The following SSB variants were observed in gnomAD, a reference collection of about 807,000 sequenced individuals.
SSB encodes small RNA binding exonuclease protection factor La.
In SSB, 17 loss-of-function variants were observed where a neutral mutation model predicts 52.9. The observed-to-expected ratio is 0.32, with a 90% confidence interval of 0.22 to 0.48. The LOEUF (loss-of-function observed/expected upper bound fraction) is 0.48. Ranked by LOEUF, SSB falls within the 20% of genes least tolerant of loss-of-function variation. The pLI is 0.99. For missense variants in SSB, 314 were observed against 463.6 expected, an observed-to-expected ratio of 0.68 and a Z score of 2.96; for synonymous variants, 111 against 152.1, an observed-to-expected ratio of 0.73 and a Z score of 1.99.
In SSB at chr2:169,810,694, C is replaced by T; in HGVS notation, c.811-164C>T. 5.7e-6 allele frequency: 4 copies of T among 701,216 alleles called. No homozygotes were observed. The South Asian group carries it at 8.4e-5, about 15-fold the overall frequency. The allele number at this position is 701,216 out of a possible 1,614,324, so 43.4% of individuals were successfully genotyped here. On this transcript the variant is annotated intron_variant, in intron 9 of 11. Transcript: ENST00000260956. ...GAATAACTGTTCATACTGATGATTG[C>T]AGTTTTACTTCTGTAGCATTCCTTT...
chr2:169,810,103 T>C, intron 8 of SSB, 180 bp from the exon 9 acceptor site: 1 of 326,854 alleles, frequency 3.1e-6, no homozygotes, highest in Non-Finnish European at 5.5e-6. Context: ...TTTATTTATT[T>C]ATTATTATTA....
Position 169,810,443 on chromosome 2 carries a change from CT to C in SSB, c.810+25del. On this transcript the variant is annotated intron_variant, in intron 9 of 11. Transcript: ENST00000260956. ...AAAGAGGTTTGGATACATCCCTATCCTTTTTAGCAATCAGTTTGAAAATCTG... is the reference window on the plus strand; with the variant it reads ...AAAGAGGTTTGGATACATCCCTATCCTTTTAGCAATCAGTTTGAAAATCTG... The C allele has an allele frequency of 6.4e-7, 1 of 1,570,362 alleles. No individual in the cohort carries two copies. The highest frequency in any genetic ancestry group is 8.6e-7 in the Non-Finnish European group (1 of 1,165,216).
chr2:169,801,564 G>T (rs1278883650), intron 2 of SSB, among the ~76,000 whole-genome samples: 1 of 139,148 alleles, frequency 7.2e-6, no homozygotes, highest in East Asian at 2.1e-4. Flanking sequence ...GGCCACGCTG[G>T]AGTGCAGTGG....
chr2:169,810,801 A>G (rs1363042216), intron 9 of SSB, 57 bp from the exon 10 acceptor site: 1 of 1,522,352 alleles, frequency 6.6e-7, no homozygotes, highest in Non-Finnish European at 8.8e-7. Context: ...GGACAAAGAA[A>G]TTAATTGTGG....
chr2:169,802,183 C>G (rs896600881), intron 2 of SSB, among the ~76,000 whole-genome samples: 1 of 152,084 alleles, frequency 6.6e-6, no homozygotes. Flanking sequence ...GACACTGTTT[C>G]AGGGGGCGAG....
intron 1 of SSB, among the ~76,000 whole-genome samples, chr2:169,800,410 G>T (rs1467269893): frequency 6.6e-6 from 1 of 151,586 alleles, no homozygotes; most frequent in African/African-American, 2.4e-5. Flanking sequence ...GGTGGTGGGC[G>T]CCTGTAATCC....
At chr2:169,805,241 ATTC>A (rs1468022328) in intron 2 of SSB, among the ~76,000 whole-genome samples, 1 of 152,168 alleles carries the variant, frequency 6.6e-6, no homozygotes, top group Non-Finnish European at 1.5e-5. Flanking sequence ...CTTTAAATAT[ATTC>A]TTCTTTAAGG....
At chr2:169,804,142 T>C (rs1689771647) in intron 2 of SSB, among the ~76,000 whole-genome samples, 1 of 152,214 alleles carries the variant, frequency 6.6e-6, no homozygotes, top group Non-Finnish European at 1.5e-5. Context: ...TTACTTTTTA[T>C]GTTACTTCTG....
At position 169,800,610 on chromosome 2, in the gene SSB, A is replaced by AGTT. The variant is rs373664775; in HGVS notation, c.-9-341_-9-339dup. 9.6e-4 allele frequency among the ~76,000 whole-genome samples: 145 copies of AGTT among 151,562 alleles called. 1 individual carries two copies. In the South Asian group the frequency reaches 0.012, roughly 12 times the overall value. On this transcript the variant is annotated intron_variant, in intron 1 of 11. Transcript: ENST00000260956. ...GAGCCATGGTAATATACAGATAGATAGTTATCTGTTTAAAACTGGAAATGG... is the reference window on the plus strand; with the variant it reads ...GAGCCATGGTAATATACAGATAGATAGTTGTTATCTGTTTAAAACTGGAAATGG...
rs1034945803 is a variant in SSB at position 169,801,132 on chromosome 2, T to C, written c.66+106T>C. 4.2e-5 allele frequency: 38 copies of C among 902,828 alleles called. No homozygotes were observed. The Admixed American group carries it at 1.1e-3, about 27-fold the overall frequency. 55.9% of individuals were successfully genotyped at this position (902,828 alleles called of 1,614,324 possible). On this transcript the variant is annotated intron_variant, in intron 2 of 11. Coordinates refer to ENST00000260956, the MANE Select transcript of SSB (RefSeq NM_003142.5). ...ACATATTCAACATTTGGTTTGCCTT[T>C]GATTCTTAGATGAACATATAATAGC...
intron 11 of SSB, 96 bp downstream of exon 11, chr2:169,811,419 A>G: frequency 1.4e-6 from 2 of 1,397,502 alleles, no homozygotes; most frequent in South Asian, 1.5e-5. Flanking sequence ...TGGCTTTTCA[A>G]CTCCTGGATA....
At chr2:169,801,509 G>GTTTTTTTTTTT (rs79940369) in intron 2 of SSB, among the ~76,000 whole-genome samples, 1 of 73,666 alleles carries the variant, frequency 1.4e-5, no homozygotes, top group African/African-American at 5.2e-5. Context: ...CTTTAATATA[G>GTTTTTTTTTTT]TTTTTTTTTT....
At position 169,805,530 on chromosome 2, in the gene SSB, A is replaced by G. The variant is rs760016474; in HGVS notation, c.123A>G (p.Lys41=). The change falls in exon 3 of 12, where the codon AAA becomes AAG. Residue 41 remains lysine (K), a synonymous_variant. Coordinates refer to ENST00000260956, the MANE Select transcript of SSB (RefSeq NM_003142.5). ...ACAAGTTTCTAAAGGAACAGATAAA[A>G]CTGGATGAAGGCTGGGTACCTTTGG... The part of the protein sequence containing the change: ...PRDKFLKEQI[K]LDEGWVPLEI... 1 of 1,614,014 alleles carries G rather than the reference A, an allele frequency of 6.2e-7. No homozygotes were observed. Among genetic ancestry groups the G allele is most frequent in the Non-Finnish European group, 8.5e-7 (1 of 1,180,000 alleles).
intron 4 of SSB, 89 bp downstream of exon 4, chr2:169,805,928 C>A: frequency 1.7e-6 from 2 of 1,202,496 alleles, no homozygotes; most frequent in Non-Finnish European, 2.4e-6. Flanking sequence ...CACAGCCTCA[C>A]TAATTACTGT....
chr2:169,804,240 C>CTT (rs11447613), intron 2 of SSB, among the ~76,000 whole-genome samples: 6,885 of 95,128 alleles, frequency 0.072, 567 homozygotes, highest in African/African-American at 0.12. Context: ...TTTACTTTAA[C>CTT]TTTTTTTTTT....
At chr2:169,801,600 A>G (rs11899484) in intron 2 of SSB, among the ~76,000 whole-genome samples, 116,016 of 148,546 alleles carry the variant, frequency 0.78, 46,128 homozygotes, top group South Asian at 0.88. Flanking sequence ...CTACAACAGT[A>G]TTGGCTCACT....
intron 2 of SSB, among the ~76,000 whole-genome samples, chr2:169,804,945 A>C (rs1246298400): frequency 3.3e-5 from 5 of 152,118 alleles, no homozygotes; most frequent in Admixed American, 6.6e-5. Context: ...CAAGGCCAAC[A>C]TGGTAAAACC....
intron 9 of SSB, chr2:169,810,634 A>G (rs1182553926): frequency 1.1e-5 from 7 of 659,952 alleles, no homozygotes; most frequent in African/African-American, 3.7e-5. Context: ...TATTGTCACT[A>G]TATGTGATGT....
chr2:169,804,789 A>C (rs1193546045), intron 2 of SSB, among the ~76,000 whole-genome samples: 1 of 150,984 alleles, frequency 6.6e-6, no homozygotes, highest in East Asian at 2.0e-4. Context: ...CCCAAAGTGC[A>C]GGGATTACAG....
Sources: allele counts gnomAD v4.1 joint callset (sites outside exome capture counted in the v4.1 genomes callset), GRCh38; gene constraint gnomAD v4.1.1; transcripts MANE v1.5; gene names NCBI Gene and HGNC (gene_info 2026-07-23, HGNC 2026-07-21).